Variants in GALNT10 observed in about 807,000 individuals in gnomAD.
GALNT10 encodes GalNAc transferase 10.
Under a neutral mutation model 75.0 loss-of-function variants are expected in GALNT10, and 41 were observed. The ratio of observed to expected loss-of-function variants is 0.55; its 90% confidence interval spans 0.43 to 0.71. The LOEUF (loss-of-function observed/expected upper bound fraction) is 0.71, where lower values mean the gene tolerates loss of function less well. GALNT10 is among the 30% of genes least tolerant of loss of function. The probability of loss-of-function intolerance (pLI) is 0.00; values close to 1 mark genes in which losing one functional copy is unlikely to be tolerated. For synonymous variants in GALNT10, 302 were observed against 313.0 expected, an observed-to-expected ratio of 0.96 and a Z score of 0.37; for missense variants, 727 against 818.5, an observed-to-expected ratio of 0.89 and a Z score of 1.36.
At chr5:154,245,634 G>A (rs1360701725) in intron 1 of GALNT10, among the ~76,000 whole-genome samples, 6 of 151,212 alleles carry the variant, frequency 4.0e-5, no homozygotes, top group Non-Finnish European at 7.4e-5. Context: ...ATTAATATAT[G>A]TAAGCCACAA....
chr5:154,211,001 G>T (rs943211622), intron 1 of GALNT10, among the ~76,000 whole-genome samples: 3 of 152,206 alleles, frequency 2.0e-5, no homozygotes, highest in African/African-American at 7.2e-5. Flanking sequence ...TGTGGAGAAT[G>T]ATAACAGCCA....
chr5:154,278,955 C>A (rs1753994501), intron 1 of GALNT10, among the ~76,000 whole-genome samples: 1 of 152,152 alleles, frequency 6.6e-6, no homozygotes, highest in Non-Finnish European at 1.5e-5. Context: ...TATTAATGGA[C>A]ACTTGAGTTG....
At chr5:154,373,214 C>T (rs1018926217) in intron 4 of GALNT10, among the ~76,000 whole-genome samples, 2 of 152,134 alleles carry the variant, frequency 1.3e-5, no homozygotes, top group Non-Finnish European at 2.9e-5. Flanking sequence ...TCAGCCCTGC[C>T]TTAGGGCTTA....
intron 4 of GALNT10, chr5:154,337,924 G>C: frequency 6.8e-7 from 1 of 1,474,292 alleles, no homozygotes. Context: ...CCATTCACAG[G>C]ATGGTATTTC....
chr5:154,271,910 C>T (rs886981456), intron 1 of GALNT10, among the ~76,000 whole-genome samples: 5 of 152,180 alleles, frequency 3.3e-5, no homozygotes, highest in Non-Finnish European at 7.3e-5. Flanking sequence ...TTTTTTAAAG[C>T]ATGCAAAATG....
intron 1 of GALNT10, among the ~76,000 whole-genome samples, chr5:154,278,710 T>C (rs1753990984): frequency 6.6e-6 from 1 of 152,200 alleles, no homozygotes; most frequent in Non-Finnish European, 1.5e-5. Flanking sequence ...ACAATCCCCG[T>C]TCTTACTCCC....
At position 154,412,850 on chromosome 5, in the gene GALNT10, G is replaced by A. The variant is rs1452965515; in HGVS notation, c.1387-39G>A. ...GCAGGGACCCGGTGGGCACCTTAAG[G>A]CACCTCAGTGGTCCACTTCTTCCCT... On this transcript the variant is annotated intron_variant, in intron 9 of 11. Coordinates refer to ENST00000297107, the MANE Select transcript of GALNT10 (RefSeq NM_198321.4). This position sits in a 1 kb window ranked among gnomAD's most constrained non-coding sequence, Gnocchi z 4.2. The A allele has an allele frequency of 7.0e-7, 1 of 1,422,026 alleles. No homozygotes were observed. The highest frequency in any genetic ancestry group is 1.1e-5 in the South Asian group (1 of 87,042). The allele number at this position is 1,422,026 out of a possible 1,614,324, so 88.1% of individuals were successfully genotyped here. A position where few individuals can be genotyped will look rare whatever the true frequency, so the allele number is the denominator to read the frequency against.
chr5:154,347,118 G>A, intron 4 of GALNT10: 1 of 513,774 alleles, frequency 1.9e-6, no homozygotes, highest in South Asian at 1.5e-5. Context: ...CCTAATGTGT[G>A]CCAAGATCTG....
At position 154,395,940 on chromosome 5, in the gene GALNT10, T is replaced by C. The variant is rs6897088; in HGVS notation, c.1057-8164T>C. Among the ~76,000 whole-genome samples the C allele has an allele frequency of 9.3e-4, 142 of 152,310 alleles. 1 individual carries two copies. The highest frequency in any genetic ancestry group is 3.2e-3 in the African/African-American group (135 of 41,562). On this transcript the variant is annotated intron_variant, in intron 7 of 11. Transcript: ENST00000297107. ...CAGCCAGCTGTGTTTCAACATGCCC[T>C]GCAGGTGCTTCCGATGAGGCCCAAG...
intron 3 of GALNT10, among the ~76,000 whole-genome samples, chr5:154,313,463 G>T (rs1754554665): frequency 6.6e-6 from 1 of 152,172 alleles, no homozygotes; most frequent in African/African-American, 2.4e-5. Flanking sequence ...GTCCTAGTCA[G>T]GGGGTGCACA....
chr5:154,326,650 C>A (rs902087999), intron 3 of GALNT10, among the ~76,000 whole-genome samples: 2 of 152,076 alleles, frequency 1.3e-5, no homozygotes, highest in Non-Finnish European at 2.9e-5. Flanking sequence ...CACAAAAAGC[C>A]TCAAATATGA....
At position 154,420,821 on chromosome 5, in the gene GALNT10, G is replaced by A. The variant is rs999097242; in HGVS notation, c.*3849G>A. 4 of 152,198 alleles carry A rather than the reference G, an allele frequency of 2.6e-5. No homozygotes were observed. Among genetic ancestry groups the A allele is most frequent in the Admixed American group, 1.3e-4 (2 of 15,274 alleles). 9.4% of individuals were successfully genotyped at this position (152,198 alleles called of 1,614,324 possible). On this transcript the variant is annotated 3_prime_UTR_variant, in exon 12 of 12. Transcript: ENST00000297107. Reference sequence around the variant, plus strand: ...GAAGACTAGGATCCCAAAGGGGTTGGAGGCAGGGAATATTTGAAAATTCAG... The same window carrying A: ...GAAGACTAGGATCCCAAAGGGGTTGAAGGCAGGGAATATTTGAAAATTCAG...
chr5:154,329,574 G>A lies in GALNT10; in HGVS notation c.404G>A (p.Cys135Tyr). ...RSLPDIRHPN[C>Y]NSKRYLETLP... is the part of the protein sequence containing the mutation. ...CCTCCCCTTATGTTTCCCTCTAGCT[G>A]CAACAGCAAGCGCTACCTGGAGACA... Residue 135 changes from cysteine to tyrosine, a missense_variant and splice_region_variant, in exon 4 of 12, where the codon TGC becomes TAC. Physicochemically the swap from Cys to Tyr is radical, Grantham distance 194 (BLOSUM62 -2). Transcript: ENST00000297107. 6.2e-7 allele frequency: 1 copy of A among 1,613,400 alleles called. No individual in the cohort carries two copies. Among genetic ancestry groups the A allele is most frequent in the Non-Finnish European group, 8.5e-7 (1 of 1,179,416 alleles).
chr5:154,274,442 T>G (rs1346087320), intron 1 of GALNT10, among the ~76,000 whole-genome samples: 1 of 152,198 alleles, frequency 6.6e-6, no homozygotes, highest in Admixed American at 6.5e-5. Flanking sequence ...AAAGGAGAAC[T>G]ACTAGTGCCT....
At chr5:154,277,303 G>A (rs1753966987) in intron 1 of GALNT10, among the ~76,000 whole-genome samples, 1 of 151,650 alleles carries the variant, frequency 6.6e-6, no homozygotes, top group South Asian at 2.1e-4. Flanking sequence ...TACTAGGCTG[G>A]GTTTGTTCTC....
At chr5:154,271,008 A>C (rs1020487668) in intron 1 of GALNT10, among the ~76,000 whole-genome samples, 1 of 151,648 alleles carries the variant, frequency 6.6e-6, no homozygotes, top group Non-Finnish European at 1.5e-5. Context: ...AAAAAAAAAA[A>C]AAAAGGGATA....
intron 1 of GALNT10, among the ~76,000 whole-genome samples, chr5:154,254,397 A>C (rs1195835800): frequency 3.3e-5 from 5 of 152,162 alleles, no homozygotes; most frequent in Non-Finnish European, 1.5e-5. Context: ...TTGAGATCAC[A>C]CTGAAGAATC....
intron 4 of GALNT10, among the ~76,000 whole-genome samples, chr5:154,371,495 T>G (rs1755563131): frequency 1.6e-5 from 2 of 125,264 alleles, no homozygotes; most frequent in African/African-American, 2.7e-5. Flanking sequence ...GGCTCCACTT[T>G]AAGACAGGAA....
At chr5:154,408,615 C>T (rs1333949579) in intron 8 of GALNT10, among the ~76,000 whole-genome samples, 1 of 151,944 alleles carries the variant, frequency 6.6e-6, no homozygotes, top group Non-Finnish European at 1.5e-5. Context: ...CACCTGCTGC[C>T]TCTGCTTGCC....
Sources: gnomAD v4.1 joint callset for allele counts (sites outside exome capture counted in the v4.1 genomes callset) on GRCh38, gnomAD v4.1.1 for gene constraint, Gnocchi (gnomAD v3.1) non-coding constraint, MANE v1.5 for transcripts, NCBI Gene and HGNC (gene_info 2026-07-23, HGNC 2026-07-21) for gene names.